Variants in ATP10B observed in about 807,000 individuals in gnomAD.
ATP10B encodes the protein ATPase phospholipid transporting 10B (putative), also known as phospholipid-transporting ATPase VB.
ATP10B carries 122 observed loss-of-function variants against 141.2 expected under a neutral mutation model. The ratio of observed to expected loss-of-function variants is 0.86; its 90% CI spans 0.75 to 1.00. ATP10B has a LOEUF of 1.00. Ranked by LOEUF, ATP10B falls within the 50% of genes least tolerant of loss-of-function variation. The probability of loss-of-function intolerance (pLI) is 0.00; values close to 1 mark genes in which losing one functional copy is unlikely to be tolerated. For synonymous variants in ATP10B, 685 were observed against 692.0 expected (o/e 0.99, Z 0.16); for missense variants, 1,876 against 1,825.3 (o/e 1.03, Z -0.51).
At chr5:160,830,147 T>C (rs1288227506) in intron 1 of ATP10B, among the ~76,000 whole-genome samples, 1 of 152,128 alleles carries the variant, frequency 6.6e-6, no homozygotes, top group Non-Finnish European at 1.5e-5. Context: ...GCTTTTATCA[T>C]GAAGGGATGT....
chr5:160,731,879 T>A (rs188057760), intron 2 of ATP10B, among the ~76,000 whole-genome samples: 13 of 152,264 alleles, frequency 8.5e-5, no homozygotes, highest in African/African-American at 3.1e-4. Flanking sequence ...TCAGTTCTAA[T>A]CAAGTTAAGT....
chr5:160,580,801 G>C (rs913810299), intron 24 of ATP10B, among the ~76,000 whole-genome samples: 1 of 152,130 alleles, frequency 6.6e-6, no homozygotes, highest in Admixed American at 6.6e-5. Context: ...GCTTTCTTTG[G>C]TTGGTAGGCT....
chr5:160,569,815 C>T, intron 24 of ATP10B, 132 bp from the exon 25 acceptor site: 1 of 705,190 alleles, frequency 1.4e-6, no homozygotes, highest in Non-Finnish European at 2.2e-6. Context: ...AAAAAGTGTG[C>T]AGCTTAATCT....
chr5:160,848,760 G>A (rs750602444), intron 1 of ATP10B, among the ~76,000 whole-genome samples: 6 of 152,194 alleles, frequency 3.9e-5, no homozygotes, highest in East Asian at 1.9e-4. Context: ...ATACCAAAAT[G>A]AGACTTAATG....
chr5:160,751,821 G>C (rs4921319), intron 2 of ATP10B, among the ~76,000 whole-genome samples: 4 of 152,040 alleles, frequency 2.6e-5, no homozygotes, highest in Admixed American at 1.3e-4. Flanking sequence ...GGATGTGTGC[G>C]TGTTTGTGGT....
At chr5:160,925,801 A>G in the ATP10B span, among the ~76,000 whole-genome samples, 1 of 152,238 alleles carries the variant, frequency 6.6e-6, no homozygotes, top group Non-Finnish European at 1.5e-5. Flanking sequence ...AAAGGCCATG[A>G]AATTAGGAAA....
intron 1 of ATP10B, among the ~76,000 whole-genome samples, chr5:160,847,469 C>T (rs1776198402): frequency 6.6e-6 from 1 of 152,146 alleles, no homozygotes; most frequent in South Asian, 2.1e-4. Flanking sequence ...AAAGAACCCC[C>T]AAACCTCAGT....
At chr5:160,796,407 C>G (rs1034477825) in intron 1 of ATP10B, among the ~76,000 whole-genome samples, 1 of 152,228 alleles carries the variant, frequency 6.6e-6, no homozygotes, top group Non-Finnish European at 1.5e-5. Flanking sequence ...GGAAGGGTAA[C>G]AGTAGCTGAC....
chr5:160,628,372 C>G (rs1378271312), intron 13 of ATP10B, among the ~76,000 whole-genome samples: 1 of 152,242 alleles, frequency 6.6e-6, no homozygotes, highest in Non-Finnish European at 1.5e-5. Context: ...GATCACATCA[C>G]TTCCAGAAAG....
At position 160,774,977 on chromosome 5, in the gene ATP10B, T is replaced by C. The variant is rs372408073; in HGVS notation, c.-331+10582A>G. On this transcript the variant is annotated intron_variant, in intron 2 of 25. Transcript: ENST00000327245. The stretch of plus-strand genomic sequence containing the variant: ...AAAATCATGCTGCTAGTATTTTACT[T>C]ATGCCAGCATCGCTGCCTCCGTGGA... Among the ~76,000 whole-genome samples the C allele has an allele frequency of 6.6e-5, 10 of 152,326 alleles. No homozygotes were observed. The East Asian group carries it at 1.5e-3, about 24-fold the overall frequency.
the ATP10B span, among the ~76,000 whole-genome samples, chr5:160,892,622 C>T: frequency 6.6e-6 from 1 of 152,170 alleles, no homozygotes; most frequent in East Asian, 1.9e-4. Flanking sequence ...TTCTACAAAC[C>T]TCCCCTTTGT....
At chr5:160,927,021 C>T in the ATP10B span, among the ~76,000 whole-genome samples, 1 of 152,216 alleles carries the variant, frequency 6.6e-6, no homozygotes, top group African/African-American at 2.4e-5. Flanking sequence ...TCAAAACAAC[C>T]TCACATGCTA....
chr5:160,906,460 G>A, the ATP10B span, among the ~76,000 whole-genome samples: 1 of 152,142 alleles, frequency 6.6e-6, no homozygotes, highest in East Asian at 1.9e-4. Context: ...TTGGAAGGAG[G>A]AGTCAGTGAA....
At chr5:160,864,178 G>T in the ATP10B span, among the ~76,000 whole-genome samples, 1 of 151,806 alleles carries the variant, frequency 6.6e-6, no homozygotes, top group African/African-American at 2.4e-5. Flanking sequence ...AAACATAGAC[G>T]CAAAAATCCT....
intron 24 of ATP10B, among the ~76,000 whole-genome samples, chr5:160,588,078 C>T (rs529784377): frequency 6.7e-4 from 102 of 152,198 alleles, no homozygotes; most frequent in African/African-American, 2.4e-3. Context: ...TTGAACTTCT[C>T]ACCTTGTGAT....
At chr5:160,643,182 C>T (rs745317137) in intron 9 of ATP10B, among the ~76,000 whole-genome samples, 2 of 152,146 alleles carry the variant, frequency 1.3e-5, no homozygotes, top group African/African-American at 2.4e-5. Context: ...TTTAAAAAGA[C>T]CTGTTTTTCT....
chr5:160,691,288 T>C (rs1764062389), intron 3 of ATP10B, among the ~76,000 whole-genome samples: 1 of 152,070 alleles, frequency 6.6e-6, no homozygotes, highest in African/African-American at 2.4e-5. Flanking sequence ...AAAACTACCA[T>C]GGCACAGGTA....
chr5:160,901,855 G>A, the ATP10B span, among the ~76,000 whole-genome samples: 1 of 152,288 alleles, frequency 6.6e-6, no homozygotes, highest in East Asian at 1.9e-4. Flanking sequence ...TTGAACTCCT[G>A]TTATCTGCTA....
the ATP10B span, among the ~76,000 whole-genome samples, chr5:160,869,421 A>G: frequency 3.3e-5 from 5 of 152,168 alleles, no homozygotes; most frequent in South Asian, 6.2e-4. Context: ...TTTCTAGGAA[A>G]CAATACCAGA....
Sources: allele counts gnomAD v4.1 joint callset (sites outside exome capture counted in the v4.1 genomes callset), GRCh38; gene constraint gnomAD v4.1.1; transcripts MANE v1.5; gene names NCBI Gene and HGNC (gene_info 2026-07-23, HGNC 2026-07-21).